The following ITGBL1 variants were observed in gnomAD, a reference collection of about 807,000 sequenced individuals.
ITGBL1 encodes the protein integrin subunit beta like 1.
Under a neutral mutation model 68.5 loss-of-function variants are expected in ITGBL1, and 51 were observed. The ratio of observed to expected loss-of-function variants is 0.74; its 90% confidence interval spans 0.59 to 0.94. The LOEUF (loss-of-function observed/expected upper bound fraction) is 0.94, where lower values mean the gene tolerates loss of function less well. Ranked by LOEUF, ITGBL1 falls within the 40% of genes least tolerant of loss-of-function variation. ITGBL1 has a pLI of 0.00. For synonymous variants in ITGBL1, 209 were observed against 227.3 expected (o/e 0.92, Z 0.72); for missense variants, 649 against 647.4 (o/e 1.00, Z -0.03).
At chr13:101,465,455 A>T (rs1375389253) in intron 2 of ITGBL1, among the ~76,000 whole-genome samples, 3 of 152,214 alleles carry the variant, frequency 2.0e-5, no homozygotes, top group Non-Finnish European at 4.4e-5. Flanking sequence ...CTAATAATAA[A>T]TTCTGATATC....
At chr13:101,462,513 G>T (rs922311723) in intron 2 of ITGBL1, among the ~76,000 whole-genome samples, 6 of 152,220 alleles carry the variant, frequency 3.9e-5, no homozygotes, top group African/African-American at 1.4e-4. Context: ...CATCGAGGAT[G>T]CAAGGGCTGA....
intron 2 of ITGBL1, among the ~76,000 whole-genome samples, chr13:101,501,557 G>A (rs1594850097): frequency 6.6e-6 from 1 of 151,976 alleles, no homozygotes; most frequent in Non-Finnish European, 1.5e-5. Context: ...ATACAATGTC[G>A]TAAAAAAGAA....
downstream of ITGBL1, chr13:101,717,354 T>G (rs1282519683): frequency 6.6e-6 from 1 of 152,188 alleles, no homozygotes; most frequent in African/African-American, 2.4e-5. Flanking sequence ...ATGTTGTAGT[T>G]CTATTATTGA....
intron 5 of ITGBL1, 89 bp from the exon 6 acceptor site, chr13:101,583,127 G>A (rs2139289431): frequency 7.4e-7 from 1 of 1,343,262 alleles, no homozygotes; most frequent in Admixed American, 1.8e-5. Flanking sequence ...CAAACACAAA[G>A]TAAACAGAAA....
downstream of ITGBL1, chr13:101,720,146 T>C (rs572745092): frequency 1.3e-5 from 2 of 152,246 alleles, no homozygotes; most frequent in Admixed American, 6.5e-5. Context: ...GACAAACTCT[T>C]TGTATGCAAA....
At chr13:101,530,894 C>A (rs1163819462) in intron 2 of ITGBL1, among the ~76,000 whole-genome samples, 1 of 152,102 alleles carries the variant, frequency 6.6e-6, no homozygotes, top group South Asian at 2.1e-4. Context: ...TCTTGAAGGG[C>A]AAACCACATT....
chr13:101,702,174 C>T (rs73558059), intron 8 of ITGBL1, among the ~76,000 whole-genome samples: 1 of 152,054 alleles, frequency 6.6e-6, no homozygotes, highest in Admixed American at 6.5e-5. Flanking sequence ...CTATTATTAT[C>T]CTTTTAATGT....
chr13:101,601,304 A>T (rs1028153930), intron 7 of ITGBL1, among the ~76,000 whole-genome samples: 1 of 151,488 alleles, frequency 6.6e-6, no homozygotes, highest in African/African-American at 2.4e-5. Context: ...TTTTTTATTG[A>T]GTCTATTTGA....
Position 101,664,349 on chromosome 13 carries a change from A to G in ITGBL1, c.1016-28236A>G, listed in dbSNP as rs529484699. ...ATATATGGGACTTCCATAATGAACA[A>G]TAGTCAAAATGTATTATTTTGGGAA... On this transcript the variant is annotated intron_variant, in intron 7 of 10. Coordinates refer to ENST00000376180, the MANE Select transcript of ITGBL1 (RefSeq NM_004791.3). Among the ~76,000 whole-genome samples the G allele has an allele frequency of 5.9e-4, 90 of 152,316 alleles. 1 individual carries two copies. In the South Asian group the frequency reaches 0.017, roughly 29 times the overall value.
At chr13:101,462,641 G>A (rs1006313878) in intron 2 of ITGBL1, among the ~76,000 whole-genome samples, 3 of 152,072 alleles carry the variant, frequency 2.0e-5, no homozygotes, top group African/African-American at 7.2e-5. Flanking sequence ...GGAGTGCAGT[G>A]GAGCAATCTC....
chr13:101,519,683 T>C (rs930278052), intron 2 of ITGBL1, among the ~76,000 whole-genome samples: 2 of 152,192 alleles, frequency 1.3e-5, no homozygotes, highest in African/African-American at 4.8e-5. Context: ...CTTATATCAT[T>C]ATTTTTAGGA....
chr13:101,493,625 A>G (rs996984940), intron 2 of ITGBL1, among the ~76,000 whole-genome samples: 1 of 152,170 alleles, frequency 6.6e-6, no homozygotes, highest in African/African-American at 2.4e-5. Context: ...TCCTGCCAAT[A>G]TATTTTCCAC....
chr13:101,605,325 CGT>C (rs1491278750), intron 7 of ITGBL1, among the ~76,000 whole-genome samples: 20 of 1,834 alleles, frequency 0.011, 2 homozygotes, highest in Admixed American at 0.068. Context: ...TATGCATATG[CGT>C]ATATATATAT....
intron 2 of ITGBL1, among the ~76,000 whole-genome samples, chr13:101,557,769 C>T (rs1594889180): frequency 6.6e-6 from 1 of 151,678 alleles, no homozygotes; most frequent in Non-Finnish European, 1.5e-5. Context: ...TTGGTGTGTC[C>T]GATGCTAACA....
At chr13:101,485,102 A>T (rs978161329) in intron 2 of ITGBL1, among the ~76,000 whole-genome samples, 16 of 152,208 alleles carry the variant, frequency 1.1e-4, no homozygotes, top group Non-Finnish European at 1.6e-4. Context: ...TAAACCTAGA[A>T]GTCTAAACTC....
chr13:101,709,237 C>CAT (rs1566801475), intron 9 of ITGBL1, among the ~76,000 whole-genome samples: 2 of 150,334 alleles, frequency 1.3e-5, no homozygotes, highest in Non-Finnish European at 3.0e-5. Flanking sequence ...CGGTGGCGGG[C>CAT]GCCTGTAGTC....
At chr13:101,512,982 G>T (rs1566709612) in intron 2 of ITGBL1, among the ~76,000 whole-genome samples, 1 of 151,998 alleles carries the variant, frequency 6.6e-6, no homozygotes, top group Non-Finnish European at 1.5e-5. Context: ...TTCTTTCTTT[G>T]CTAAAAATCT....
chr13:101,472,296 G>A (rs1403868355), intron 2 of ITGBL1, among the ~76,000 whole-genome samples: 1 of 152,128 alleles, frequency 6.6e-6, no homozygotes, highest in Non-Finnish European at 1.5e-5. Context: ...ATCCCATAAA[G>A]CACAGCAAAG....
intron 7 of ITGBL1, among the ~76,000 whole-genome samples, chr13:101,614,586 C>G (rs2031274558): frequency 6.6e-6 from 1 of 152,144 alleles, no homozygotes; most frequent in African/African-American, 2.4e-5. Flanking sequence ...TGTTCCCAGC[C>G]CAGCCTTCCT....
Sources: allele counts gnomAD v4.1 joint callset (sites outside exome capture counted in the v4.1 genomes callset), GRCh38; gene constraint gnomAD v4.1.1; transcripts MANE v1.5; gene names NCBI Gene and HGNC (gene_info 2026-07-23, HGNC 2026-07-21).